The following SLC2A5 variants were observed in gnomAD, a reference collection of about 807,000 sequenced individuals.
The protein encoded by SLC2A5 is solute carrier family 2 member 5, also known as solute carrier family 2, facilitated glucose transporter member 5.
In SLC2A5, 56 loss-of-function variants were observed where a neutral mutation model predicts 50.3. The ratio of observed to expected loss-of-function variants is 1.11; its 90% CI spans 0.90 to 1.39. The LOEUF is 1.39. Among genes scored for constraint, SLC2A5 ranks in the 40% most tolerant of loss-of-function variants. The probability of loss-of-function intolerance (pLI) is 0.00; values close to 1 mark genes in which losing one functional copy is unlikely to be tolerated. For synonymous variants in SLC2A5, 269 were observed against 281.9 expected (o/e 0.95, Z 0.46); for missense variants, 566 against 650.1 (o/e 0.87, Z 1.41).
intron 2 of SLC2A5, among the ~76,000 whole-genome samples, chr1:9,078,546 G>A (rs1642318027): frequency 6.6e-6 from 1 of 152,060 alleles, no homozygotes; most frequent in African/African-American, 2.4e-5. Flanking sequence ...TACCACTAAC[G>A]AATTTATCCA....
intron 1 of SLC2A5, among the ~76,000 whole-genome samples, chr1:9,086,649 C>T (rs1487379565): frequency 6.6e-6 from 1 of 152,136 alleles, no homozygotes; most frequent in East Asian, 1.9e-4. Flanking sequence ...CCTTGGCCTC[C>T]CAAAGTGCTG....
chr1:9,058,375 C>A, intron 1 of SLC2A5, 125 bp from the exon 2 acceptor site: 1 of 695,318 alleles, frequency 1.4e-6, no homozygotes, highest in Non-Finnish European at 2.6e-6. Context: ...TACTCCATTC[C>A]TTGAAACCTA....
At chr1:9,065,519 C>G (rs772328173) in intron 1 of SLC2A5, among the ~76,000 whole-genome samples, 2 of 152,204 alleles carry the variant, frequency 1.3e-5, no homozygotes, top group Non-Finnish European at 2.9e-5. Context: ...GTCACTTTAT[C>G]ACACTGTTGA....
intron 1 of SLC2A5, among the ~76,000 whole-genome samples, chr1:9,062,796 T>C (rs923660472): frequency 6.6e-6 from 1 of 152,042 alleles, no homozygotes; most frequent in African/African-American, 2.4e-5. Flanking sequence ...CGCTTGAACC[T>C]GGGAGATGGA....
In SLC2A5 at chr1:9,037,781, G is replaced by A. The variant is rs371723590; in HGVS notation, c.1311C>T (p.Leu437=). 4.9e-5 allele frequency: 79 copies of A among 1,614,140 alleles called. No homozygotes were observed. The highest frequency in any genetic ancestry group is 1.9e-4 in the South Asian group (17 of 91,086). ...GLIFPFIQEG[L]GPYSFIVFAV... ...CGAAGACAATGAAGCTGTACGGGCC[G>A]AGGCCCTCCTGCGGGAAGAGGGGCA... The change falls in exon 12 of 12, where the codon CTC becomes CTT. Residue 437 remains leucine (L), a synonymous_variant. Transcript: ENST00000377424.
At chr1:9,060,654 CACA>C (rs1557676702) in intron 1 of SLC2A5, among the ~76,000 whole-genome samples, 2 of 117,396 alleles carry the variant, frequency 1.7e-5, no homozygotes, top group Non-Finnish European at 3.7e-5. Flanking sequence ...ACACACCCCC[CACA>C]CACACACACC....
intron 10 of SLC2A5, 146 bp downstream of exon 10, chr1:9,038,285 G>C: frequency 1.4e-6 from 1 of 704,086 alleles, no homozygotes; most frequent in East Asian, 2.6e-5. Flanking sequence ...CTCATTATGT[G>C]CCACCCACCC....
At chr1:9,057,711 G>T in intron 2 of SLC2A5, 103 bp from the exon 3 acceptor site, 1 of 982,592 alleles carries the variant, frequency 1.0e-6, no homozygotes, top group South Asian at 1.5e-5. Context: ...GGCACACAGA[G>T]ACCAACCTTA....
chr1:9,054,287 G>A (rs1011641098), intron 3 of SLC2A5, among the ~76,000 whole-genome samples: 20 of 152,142 alleles, frequency 1.3e-4, no homozygotes, highest in Middle Eastern at 3.2e-3. Context: ...GGTCCTTTAC[G>A]ATGAAACTTT....
At chr1:9,060,779 T>C (rs1453116615) in intron 1 of SLC2A5, among the ~76,000 whole-genome samples, 1 of 151,848 alleles carries the variant, frequency 6.6e-6, no homozygotes, top group Non-Finnish European at 1.5e-5. Context: ...ATTCGCTCTG[T>C]GTATTCATTC....
chr1:9,037,497 C>G lies in SLC2A5; in HGVS notation c.*89G>C. On this transcript the variant is annotated 3_prime_UTR_variant, in exon 12 of 12. Coordinates refer to ENST00000377424, the MANE Select transcript of SLC2A5 (RefSeq NM_003039.3). ...ATTCCACATCAGAGTTGTTTTATTT[C>G]TGGATATTCACAGACAGCTAGAAGT... 3.4e-5 allele frequency: 36 copies of G among 1,059,128 alleles called. No individual in the cohort carries two copies. Among genetic ancestry groups the G allele is most frequent in the East Asian group, 5.0e-5 (2 of 40,162 alleles). The allele number at this position is 1,059,128 out of a possible 1,614,324, so 65.6% of individuals were successfully genotyped here. A position where few individuals can be genotyped will look rare whatever the true frequency, so the allele number is the denominator to read the frequency against.
rs1267667770 is a variant in SLC2A5, at chr1:9,041,387, A to G, written c.571+398T>C. 4 of 973,970 alleles carry G rather than the reference A, an allele frequency of 4.1e-6. No homozygotes were observed. The African/African-American group carries it at 6.7e-5, about 16-fold the overall frequency. The allele number at this position is 973,970 out of a possible 1,614,324, so 60.3% of individuals were successfully genotyped here. A position where few individuals can be genotyped will look rare whatever the true frequency, so the allele number is the denominator to read the frequency against. ...TTCTGGTCTGCAAAATGGGATAATCACTGAGTCCCAGGCAGCAGCGTTGCT... is the reference window on the plus strand; with the variant it reads ...TTCTGGTCTGCAAAATGGGATAATCGCTGAGTCCCAGGCAGCAGCGTTGCT... On this transcript the variant is annotated intron_variant, in intron 5 of 11. Coordinates refer to ENST00000377424, the MANE Select transcript of SLC2A5 (RefSeq NM_003039.3).
At chr1:9,079,247 C>G (rs749770355) in intron 2 of SLC2A5, among the ~76,000 whole-genome samples, 1 of 152,152 alleles carries the variant, frequency 6.6e-6, no homozygotes, top group African/African-American at 2.4e-5. Flanking sequence ...TTGTTGATCA[C>G]GCTCTGATAT....
upstream of SLC2A5, among the ~76,000 whole-genome samples, chr1:9,072,642 G>T (rs188552202): frequency 6.6e-6 from 1 of 151,954 alleles, no homozygotes; most frequent in Non-Finnish European, 1.5e-5. Flanking sequence ...AAATAGGAGC[G>T]TTTCTGTTAC....
At chr1:9,045,646 G>C (rs547276213) in intron 4 of SLC2A5, among the ~76,000 whole-genome samples, 1 of 152,004 alleles carries the variant, frequency 6.6e-6, no homozygotes, top group Non-Finnish European at 1.5e-5. Context: ...CCAGCATTTC[G>C]GGAGGCTGAG....
chr1:9,079,036 G>A (rs1006314571), intron 2 of SLC2A5, among the ~76,000 whole-genome samples: 4 of 152,114 alleles, frequency 2.6e-5, no homozygotes, highest in Non-Finnish European at 5.9e-5. Context: ...GTGCCCACGC[G>A]CGGTGTCTCC....
chr1:9,070,075 T>TTG (rs1553171405), upstream of SLC2A5, among the ~76,000 whole-genome samples: 1 of 121,028 alleles, frequency 8.3e-6, no homozygotes, highest in Admixed American at 7.7e-5. Context: ...ATTTTCTGTT[T>TTG]TTTTTTTTTT....
intron 1 of SLC2A5, among the ~76,000 whole-genome samples, chr1:9,066,530 T>A (rs1440186108): frequency 6.6e-6 from 1 of 152,220 alleles, no homozygotes; most frequent in Admixed American, 6.5e-5. Context: ...CCACTGCACC[T>A]GGCCCTCAAT....
upstream of SLC2A5, chr1:9,072,297 G>A (rs954356640): frequency 2.6e-5 from 4 of 152,544 alleles, no homozygotes; most frequent in African/African-American, 9.7e-5. Flanking sequence ...GAGTGGTCCT[G>A]GCAAACCTGA....
Sources: gnomAD v4.1 joint callset for allele counts (sites outside exome capture counted in the v4.1 genomes callset) on GRCh38, gnomAD v4.1.1 for gene constraint, MANE v1.5 for transcripts, NCBI Gene and HGNC (gene_info 2026-07-23, HGNC 2026-07-21) for gene names.